Variants in ARHGEF3 observed in about 807,000 individuals in gnomAD.
ARHGEF3 encodes the protein Rho guanine nucleotide exchange factor 3.
In ARHGEF3, 28 loss-of-function variants were observed where a neutral mutation model predicts 63.2. The observed-to-expected ratio is 0.44, with a 90% CI of 0.33 to 0.61. ARHGEF3 has a LOEUF of 0.61. ARHGEF3 is among the 20% of genes least tolerant of loss of function. The probability of loss-of-function intolerance (pLI) is 0.03; values close to 1 mark genes in which losing one functional copy is unlikely to be tolerated. For synonymous variants in ARHGEF3, 266 were observed against 254.2 expected, an observed-to-expected ratio of 1.05 and a Z score of -0.44; for missense variants, 533 against 659.3, an observed-to-expected ratio of 0.81 and a Z score of 2.10.
At chr3:56,922,559 CAA>C (rs2042171828) in intron 3 of ARHGEF3, among the ~76,000 whole-genome samples, 1 of 152,000 alleles carries the variant, frequency 6.6e-6, no homozygotes, top group South Asian at 2.1e-4. Flanking sequence ...CTGCCTAGAT[CAA>C]AAAACAATGC....
At chr3:56,780,973 G>T (rs2036535609) in intron 1 of ARHGEF3, among the ~76,000 whole-genome samples, 1 of 152,194 alleles carries the variant, frequency 6.6e-6, no homozygotes, top group African/African-American at 2.4e-5. Flanking sequence ...TTGGAAATAG[G>T]ATCTTTGTAG....
chr3:56,817,898 T>C (rs1222125491), intron 4 of ARHGEF3, among the ~76,000 whole-genome samples: 1 of 152,156 alleles, frequency 6.6e-6, no homozygotes, highest in Non-Finnish European at 1.5e-5. Context: ...AGTGGCTTTA[T>C]AGGAAGGCCA....
At chr3:57,051,224 C>CT (rs1220067524) in intron 1 of ARHGEF3, among the ~76,000 whole-genome samples, 3 of 152,150 alleles carry the variant, frequency 2.0e-5, no homozygotes, top group Non-Finnish European at 2.9e-5. Flanking sequence ...TTGCACCAAA[C>CT]TTTTTTTATT....
intron 3 of ARHGEF3, among the ~76,000 whole-genome samples, chr3:56,884,826 T>C (rs2040869747): frequency 6.6e-6 from 1 of 152,178 alleles, no homozygotes; most frequent in Admixed American, 6.5e-5. Context: ...CCAGCTTATA[T>C]TTATATGGTG....
chr3:56,760,679 T>C (rs1394758229), intron 2 of ARHGEF3, among the ~76,000 whole-genome samples: 1 of 151,802 alleles, frequency 6.6e-6, no homozygotes. Flanking sequence ...CAGATCTGGT[T>C]CCAACAGAGC....
intron 1 of ARHGEF3, among the ~76,000 whole-genome samples, chr3:57,055,360 C>T (rs1406813702): frequency 1.3e-5 from 2 of 152,052 alleles, no homozygotes; most frequent in Non-Finnish European, 2.9e-5. Flanking sequence ...CGGGGTTCCA[C>T]TATGTTGACC....
At chr3:56,816,982 C>T (rs891314459) in intron 4 of ARHGEF3, among the ~76,000 whole-genome samples, 9 of 152,192 alleles carry the variant, frequency 5.9e-5, no homozygotes, top group Non-Finnish European at 1.3e-4. Flanking sequence ...CCAGCTTCCC[C>T]TGCTGATCAA....
intron 1 of ARHGEF3, among the ~76,000 whole-genome samples, chr3:57,060,095 G>A (rs1291709559): frequency 6.6e-6 from 1 of 152,174 alleles, no homozygotes; most frequent in Non-Finnish European, 1.5e-5. Flanking sequence ...CAAGGCGGGA[G>A]GATCACTTGA....
chr3:57,012,763 C>G (rs1354370540), intron 2 of ARHGEF3, among the ~76,000 whole-genome samples: 2 of 152,236 alleles, frequency 1.3e-5, no homozygotes, highest in African/African-American at 2.4e-5. Flanking sequence ...GCCTCCTCAG[C>G]CTTGGCGCCC....
intron 1 of ARHGEF3, among the ~76,000 whole-genome samples, chr3:56,790,159 A>C (rs1193174530): frequency 6.6e-6 from 1 of 152,242 alleles, no homozygotes; most frequent in African/African-American, 2.4e-5. Context: ...TAAATGCTGC[A>C]TTTAAGAGAC....
chr3:56,806,484 G>A (rs929109040), upstream of ARHGEF3, among the ~76,000 whole-genome samples: 8 of 152,240 alleles, frequency 5.3e-5, no homozygotes, highest in East Asian at 1.9e-4. Context: ...GGCATAGCCC[G>A]TTATAATCCT....
At chr3:57,029,557 C>G (rs542409178) in intron 2 of ARHGEF3, among the ~76,000 whole-genome samples, 1 of 152,304 alleles carries the variant, frequency 6.6e-6, no homozygotes, top group South Asian at 2.1e-4. Flanking sequence ...GGGAGCTGCC[C>G]TCCCTTAAGA....
At chr3:57,024,715 C>T (rs1414339912) in intron 2 of ARHGEF3, among the ~76,000 whole-genome samples, 2 of 152,158 alleles carry the variant, frequency 1.3e-5, no homozygotes, top group African/African-American at 4.8e-5. Flanking sequence ...TCTCGATCTC[C>T]TGACCTCATG....
intron 1 of ARHGEF3, among the ~76,000 whole-genome samples, chr3:56,781,593 A>T (rs573137902): frequency 1.6e-3 from 250 of 152,240 alleles, no homozygotes; most frequent in Middle Eastern, 3.4e-3. Flanking sequence ...TAAGACAAAC[A>T]TTTTTTGTTG....
intron 4 of ARHGEF3, among the ~76,000 whole-genome samples, chr3:56,860,039 G>GAT (rs2040017433): frequency 1.4e-5 from 2 of 138,146 alleles, no homozygotes; most frequent in African/African-American, 5.6e-5. Context: ...CTGGTCTCAA[G>GAT]AGAGATAGAT....
intron 3 of ARHGEF3, among the ~76,000 whole-genome samples, chr3:56,929,316 C>T (rs1021734): frequency 0.11 from 16,680 of 152,228 alleles, 1,254 homozygotes; most frequent in East Asian, 0.25. Context: ...CAACTTTCTT[C>T]TGCTACAGAA....
At chr3:56,732,544 A>C in intron 8 of ARHGEF3, 120 bp from the exon 9 acceptor site, 1 of 1,179,264 alleles carries the variant, frequency 8.5e-7, no homozygotes, top group African/African-American at 1.5e-5. Flanking sequence ...ATGAACTCCT[A>C]GGTTCAAATC....
At position 56,745,372 on chromosome 3, in the gene ARHGEF3, G is replaced by A. The variant is rs1164876638; in HGVS notation, c.703C>T (p.Gln235Ter). ...TCTAAACATCGCTGTAGGAAATCCTGGACTCGGTGATCTTGCTTTTTGTGG... is the reference window on the plus strand; with the variant it reads ...TCTAAACATCGCTGTAGGAAATCCTAGACTCGGTGATCTTGCTTTTTGTGG... Reference protein sequence around the residue: ...LDHKKQDHRVQDFLQRCLESP... With the variant: ...LDHKKQDHRV The change falls in exon 7 of 10, where the codon CAG becomes TAG. Residue 235 changes from glutamine (Q) to a stop codon, truncating the protein, a stop_gained. Coordinates refer to ENST00000296315, the MANE Select transcript of ARHGEF3 (RefSeq NM_019555.3). LOFTEE classifies it high-confidence loss of function. The A allele has an allele frequency of 6.2e-7, 1 of 1,613,906 alleles. No individual in the cohort carries two copies. Among genetic ancestry groups the A allele is most frequent in the East Asian group, 2.2e-5 (1 of 44,894 alleles).
At chr3:57,040,996 C>A (rs1007450069) in intron 1 of ARHGEF3, among the ~76,000 whole-genome samples, 5 of 152,124 alleles carry the variant, frequency 3.3e-5, no homozygotes, top group African/African-American at 4.8e-5. Context: ...CCACTCCCCA[C>A]CAACTTCTGT....
Sources: gnomAD v4.1 joint callset for allele counts (sites outside exome capture counted in the v4.1 genomes callset) on GRCh38, gnomAD v4.1.1 for gene constraint, MANE v1.5 for transcripts, NCBI Gene and HGNC (gene_info 2026-07-23, HGNC 2026-07-21) for gene names.